The following ACSM3 variants were observed in gnomAD, a reference collection of about 807,000 sequenced individuals.
ACSM3 encodes the protein acyl-coenzyme A synthetase ACSM3, mitochondrial.
A neutral mutation model predicts 74.1 loss-of-function variants in ACSM3; 61 were observed. That is an observed-to-expected ratio of 0.82 (90% CI 0.67 to 1.02). The LOEUF (loss-of-function observed/expected upper bound fraction) is 1.02, where lower values mean the gene tolerates loss of function less well. Among genes scored for constraint, ACSM3 ranks in the 50% least tolerant of loss-of-function variants. The probability of loss-of-function intolerance (pLI) is 0.00; values close to 1 mark genes in which losing one functional copy is unlikely to be tolerated. For missense variants in ACSM3, 660 were observed against 697.0 expected (o/e 0.95, Z 0.60); for synonymous variants, 213 against 241.5 (o/e 0.88, Z 1.09).
At chr16:20,711,349 C>T in intron 1 of ACSM3, 1 of 400,608 alleles carries the variant, frequency 2.5e-6, no homozygotes, top group Non-Finnish European at 4.7e-6. Flanking sequence ...ATTGGAGAAT[C>T]AAGGCAGAGG....
intron 1 of ACSM3, chr16:20,738,310 C>CAAAAAA: frequency 4.6e-6 from 1 of 219,264 alleles, no homozygotes; most frequent in Non-Finnish European, 8.7e-6. Flanking sequence ...CACTTTTTTA[C>CAAAAAA]AAAAAAAAAA....
At chr16:20,698,189 C>CAA (rs759884200) in intron 1 of ACSM3, among the ~76,000 whole-genome samples, 24 of 75,222 alleles carry the variant, frequency 3.2e-4, no homozygotes, top group African/African-American at 9.2e-4. Context: ...GACTCTGTCT[C>CAA]AAAAAAAAAA....
At chr16:20,696,386 A>G (rs1235416619) in intron 1 of ACSM3, among the ~76,000 whole-genome samples, 1 of 152,208 alleles carries the variant, frequency 6.6e-6, no homozygotes, top group Non-Finnish European at 1.5e-5. Flanking sequence ...ACCGTGCTGG[A>G]CATAGTAAGT....
At chr16:20,707,005 C>T (rs1157494823) in intron 1 of ACSM3, among the ~76,000 whole-genome samples, 5 of 152,150 alleles carry the variant, frequency 3.3e-5, no homozygotes, top group Admixed American at 3.3e-4. Context: ...GAGAGACTTG[C>T]CCATCTATGC....
rs999117294 is a variant in ACSM3 at position 20,695,877 on chromosome 16, C to G, written c.-190+21055C>G. On this transcript the variant is annotated intron_variant, in intron 1 of 3. Coordinates refer to the ACSM3 transcript ENST00000561584. The stretch of plus-strand genomic sequence containing the variant: ...TACCTATATCACTATCTGTGTATAT[C>G]TATACATTAATATTAATGTCTATAA... 7.9e-5 allele frequency among the ~76,000 whole-genome samples: 12 copies of G among 152,244 alleles called. No individual in the cohort carries two copies. The East Asian group carries it at 2.3e-3, about 29-fold the overall frequency.
At chr16:20,759,760 G>C (rs1394483666), upstream of ACSM3, among the ~76,000 whole-genome samples, 1 of 152,128 alleles carries the variant, frequency 6.6e-6, no homozygotes, top group Non-Finnish European at 1.5e-5. Flanking sequence ...GTTGATGTAA[G>C]TGTTGCCCTT....
intron 1 of ACSM3, chr16:20,732,781 T>C (rs2079838547): frequency 6.5e-6 from 1 of 152,920 alleles, no homozygotes; most frequent in South Asian, 2.1e-4. Flanking sequence ...TGAGATTCAA[T>C]AAGCTTAGGC....
chr16:20,708,311 A>G (rs1202337019), intron 1 of ACSM3, among the ~76,000 whole-genome samples: 1 of 152,172 alleles, frequency 6.6e-6, no homozygotes, highest in Non-Finnish European at 1.5e-5. Context: ...AAAAACAACA[A>G]CAACAACAAC....
intron 1 of ACSM3, among the ~76,000 whole-genome samples, chr16:20,693,132 T>TGCACTGAA (rs2079670684): frequency 6.7e-6 from 1 of 150,374 alleles, no homozygotes; most frequent in African/African-American, 2.5e-5. Context: ...ATCATGCCAC[T>TGCACTGAA]GCACTGAAGC....
In ACSM3 at chr16:20,788,131, T is replaced by C. The variant is rs116275606; in HGVS notation, c.1224+1973T>C. ...TTATTTTTTTATTTTTTCACATTCC[T>C]CTTTGAAAAGCTTATCTAAGAAAAA... On this transcript the variant is annotated intron_variant, in intron 9 of 13. Transcript: ENST00000289416. 6.6e-3 allele frequency among the ~76,000 whole-genome samples: 1,007 copies of C among 152,280 alleles called. 18 individuals are homozygous for C. Among genetic ancestry groups the C allele is most frequent in the African/African-American group, 0.023 (947 of 41,546 alleles).
intron 1 of ACSM3, among the ~76,000 whole-genome samples, chr16:20,742,808 TA>T (rs1471053121): frequency 2.2e-3 from 103 of 46,144 alleles, no homozygotes; most frequent in East Asian, 0.02. Context: ...TATATATATA[TA>T]TATATTTTTT....
chr16:20,751,785 G>A (rs888546283), intron 2 of ACSM3, among the ~76,000 whole-genome samples: 2 of 152,132 alleles, frequency 1.3e-5, no homozygotes, highest in South Asian at 4.1e-4. Context: ...GGTTTTATGA[G>A]AAGGCAAAAA....
At chr16:20,702,415 T>C (rs1422099105) in intron 1 of ACSM3, among the ~76,000 whole-genome samples, 3 of 152,228 alleles carry the variant, frequency 2.0e-5, no homozygotes, top group South Asian at 4.1e-4. Flanking sequence ...GGTTTCACCA[T>C]GTTAGCCAGG....
intron 1 of ACSM3, among the ~76,000 whole-genome samples, chr16:20,717,894 G>A (rs180978135): frequency 1.4e-5 from 2 of 146,928 alleles, no homozygotes; most frequent in South Asian, 2.2e-4. Context: ...AGGGGAAGAA[G>A]GAGAAGGAGG....
rs144096738 is a variant in ACSM3 at position 20,796,387 on chromosome 16, C to T, written c.1572C>T (p.Val524=). The T allele has an allele frequency of 4.3e-5, 69 of 1,610,600 alleles. No homozygotes were observed. In the African/African-American group the frequency reaches 7.9e-4, roughly 18 times the overall value. The change falls in exon 13 of 14, where the codon GTC becomes GTT. Residue 524 remains valine (V), a synonymous_variant. Transcript: ENST00000289416. ...TATTTTAGGTAGTAAAGGCTTTTGT[C>T]GTTCTAAATCCTGATTACAAGTCAC... ...PIRGEVVKAF[V]VLNPDYKSHD... is the part of the protein sequence containing the mutation.
At chr16:20,706,013 G>A (rs1231233310) in intron 1 of ACSM3, among the ~76,000 whole-genome samples, 1 of 151,890 alleles carries the variant, frequency 6.6e-6, no homozygotes, top group Non-Finnish European at 1.5e-5. Context: ...AGTTCAAAAG[G>A]AATTAGCAGT....
chr16:20,741,894 G>A (rs2079930391), intron 1 of ACSM3: 1 of 1,534,674 alleles, frequency 6.5e-7, no homozygotes, highest in Non-Finnish European at 8.7e-7. Context: ...TCCTAAGGCC[G>A]GTCTGCAATC....
At chr16:20,736,566 A>C (rs2079871253) in intron 1 of ACSM3, 1 of 257,806 alleles carries the variant, frequency 3.9e-6, no homozygotes, top group African/African-American at 2.2e-5. Context: ...CTGATTTTCT[A>C]CTTCACAGGT....
chr16:20,684,399 C>A (rs947030998), intron 1 of ACSM3, among the ~76,000 whole-genome samples: 1 of 152,062 alleles, frequency 6.6e-6, no homozygotes, highest in African/African-American at 2.4e-5. Context: ...CTGTGAAAAC[C>A]ACCTTGCTTA....
Sources: gnomAD v4.1 joint callset for allele counts (sites outside exome capture counted in the v4.1 genomes callset) on GRCh38, gnomAD v4.1.1 for gene constraint, MANE v1.5 for transcripts, NCBI Gene and HGNC (gene_info 2026-07-23, HGNC 2026-07-21) for gene names.